Variants in FAIM2 observed in about 807,000 individuals in gnomAD.
FAIM2 encodes protein lifeguard 2.
Under a neutral mutation model 47.4 loss-of-function variants are expected in FAIM2, and 27 were observed. That is an observed-to-expected ratio of 0.57 (90% CI 0.42 to 0.78). The LOEUF (loss-of-function observed/expected upper bound fraction) is 0.78, where lower values mean the gene tolerates loss of function less well. Ranked by LOEUF, FAIM2 falls within the 30% of genes least tolerant of loss-of-function variation. The pLI is 0.00. For missense variants in FAIM2, 311 were observed against 389.4 expected, an observed-to-expected ratio of 0.80 and a Z score of 1.69; for synonymous variants, 156 against 159.3, an observed-to-expected ratio of 0.98 and a Z score of 0.16.
chr12:49,871,802 G>A (rs1224923500), intron 11 of FAIM2, among the ~76,000 whole-genome samples: 1 of 152,018 alleles, frequency 6.6e-6, no homozygotes, highest in African/African-American at 2.4e-5. Flanking sequence ...GAGGAGCTAG[G>A]ATTACAGGCA....
At chr12:49,879,910 A>ATG (rs1196603693) in intron 11 of FAIM2, among the ~76,000 whole-genome samples, 1 of 147,622 alleles carries the variant, frequency 6.8e-6, no homozygotes, top group African/African-American at 2.5e-5. Flanking sequence ...GCATGTGTAT[A>ATG]TGTGTGCATA....
At position 49,870,450 on chromosome 12, in the gene FAIM2, CAG is replaced by C. The variant is rs1946693827; in HGVS notation, c.*52_*53del. 6.5e-7 allele frequency: 1 copy of C among 1,546,974 alleles called. No homozygotes were observed. Among genetic ancestry groups the C allele is most frequent in the Admixed American group, 1.7e-5 (1 of 57,918 alleles). On this transcript the variant is annotated 3_prime_UTR_variant, in exon 12 of 12. Transcript: ENST00000320634. ...GTCTCGCAGGAGCGCAGGGGAGGGA[CAG>C]GGAACCAGGAGGGGCGCATTCTCTG...
chr12:49,896,224 G>A (rs1007650461), intron 5 of FAIM2, among the ~76,000 whole-genome samples: 8 of 152,212 alleles, frequency 5.3e-5, no homozygotes, highest in African/African-American at 1.9e-4. Context: ...GAGCGCGAGA[G>A]CAGTTCTGCT....
chr12:49,897,999 G>C lies in FAIM2; in HGVS notation c.303C>G (p.Val101=), dbSNP rs1169381935. 1 of 1,613,540 alleles carries C rather than the reference G, an allele frequency of 6.2e-7. No homozygotes were observed. The highest frequency in any genetic ancestry group is 8.5e-7 in the Non-Finnish European group (1 of 1,179,506). The stretch of plus-strand genomic sequence containing the variant: ...AGAGGGGCATTACCTTTCTGACAAA[G>C]ACTCGACGAACTTTCTGGTCATCCC... ...FSWDDQKVRR[V]FVRKVYTILL... The change falls in exon 3 of 12, where the codon GTC becomes GTG. Residue 101 remains valine (V), a synonymous_variant. Coordinates refer to ENST00000320634, the MANE Select transcript of FAIM2 (RefSeq NM_012306.4).
chr12:49,897,698 T>G, intron 3 of FAIM2, 115 bp from the exon 4 acceptor site: 3 of 753,686 alleles, frequency 4.0e-6, no homozygotes, highest in Non-Finnish European at 6.6e-6. Flanking sequence ...CCCTCCTTTT[T>G]GGGGGTCATT....
At chr12:49,871,105 C>T (rs747035419) in intron 11 of FAIM2, among the ~76,000 whole-genome samples, 60 of 152,312 alleles carry the variant, frequency 3.9e-4, no homozygotes, top group Non-Finnish European at 7.5e-4. Context: ...GGAAGGCAAA[C>T]GCTTCAGGTA....
At chr12:49,887,331 G>T in intron 11 of FAIM2, 55 bp downstream of exon 11, 1 of 1,493,806 alleles carries the variant, frequency 6.7e-7, no homozygotes, top group Non-Finnish European at 9.2e-7. Flanking sequence ...AAGGGGACTG[G>T]GGTGATGGTC....
At chr12:49,889,357 AC>A in intron 9 of FAIM2, 123 bp downstream of exon 9, 1 of 1,031,200 alleles carries the variant, frequency 9.7e-7, no homozygotes, top group Non-Finnish European at 1.5e-6. Context: ...GCTTCCCCAA[AC>A]CCAACTCACC....
In FAIM2 at chr12:49,887,407, C is replaced by T. The variant is rs138641504; in HGVS notation, c.780G>A (p.Leu260=). Residue 260 remains leucine, a synonymous_variant, in exon 11 of 12, where the codon CTG becomes CTA. Coordinates refer to ENST00000320634, the MANE Select transcript of FAIM2 (RefSeq NM_012306.4). ...TCACCAATGTAAATACACCCGCTCCCAGTGCTGCATAAACTGCATGGAGCC... is the reference window on the plus strand; with the variant it reads ...TCACCAATGTAAATACACCCGCTCCTAGTGCTGCATAAACTGCATGGAGCC... ...VPWLHAVYAA[L]GAGVFTLFLA... The T allele has an allele frequency of 2.9e-5, 46 of 1,611,440 alleles. No homozygotes were observed. The African/African-American group carries it at 5.1e-4, about 18-fold the overall frequency.
chr12:49,872,085 T>A (rs1946707038), intron 11 of FAIM2, among the ~76,000 whole-genome samples: 1 of 152,170 alleles, frequency 6.6e-6, no homozygotes, highest in South Asian at 2.1e-4. Flanking sequence ...AATAAATATG[T>A]ATGGGGCAAC....
chr12:49,880,126 G>A (rs1185492965), intron 11 of FAIM2, among the ~76,000 whole-genome samples: 1 of 151,154 alleles, frequency 6.6e-6, no homozygotes, highest in Non-Finnish European at 1.5e-5. Context: ...GTGTGTGCAT[G>A]TGAATGTGTG....
chr12:49,890,866 C>T, intron 6 of FAIM2, 144 bp from the exon 7 acceptor site: 2 of 876,016 alleles, frequency 2.3e-6, no homozygotes, highest in Non-Finnish European at 3.8e-6. Flanking sequence ...TCCCCATTTG[C>T]TCCCTTCTCC....
At chr12:49,901,357 A>C (rs1481833204) in intron 1 of FAIM2, 32 bp from the exon 2 acceptor site, 1 of 1,472,418 alleles carries the variant, frequency 6.8e-7, no homozygotes. Context: ...AGAGATAGTC[A>C]CCAGGGAAAG....
At chr12:49,884,067 C>T (rs1052554918) in intron 11 of FAIM2, among the ~76,000 whole-genome samples, 6 of 151,730 alleles carry the variant, frequency 4.0e-5, no homozygotes, top group African/African-American at 1.5e-4. Flanking sequence ...ACTAAAAATA[C>T]AAAAAAATTA....
At chr12:49,870,729 C>T (rs943227977) in intron 11 of FAIM2, 76 bp from the exon 12 acceptor site, 6 of 1,431,068 alleles carry the variant, frequency 4.2e-6, no homozygotes, top group Middle Eastern at 4.9e-4. Flanking sequence ...GCCCAGGTGT[C>T]CCCCTCAGCC....
chr12:49,901,114 G>C lies in FAIM2; in HGVS notation c.211+16C>G, dbSNP rs762833871. 1.9e-6 allele frequency: 3 copies of C among 1,553,180 alleles called. No homozygotes were observed. The highest frequency in any genetic ancestry group is 2.6e-6 in the Non-Finnish European group (3 of 1,156,810). ...CACCCCATGATGCTTCAGGTTCCAGGAGCTGAAAGACTTACTGGGGTCCAC... is the reference window on the plus strand; with the variant it reads ...CACCCCATGATGCTTCAGGTTCCAGCAGCTGAAAGACTTACTGGGGTCCAC... On this transcript the variant is annotated intron_variant, in intron 2 of 11. Coordinates refer to ENST00000320634, the MANE Select transcript of FAIM2 (RefSeq NM_012306.4).
intron 11 of FAIM2, among the ~76,000 whole-genome samples, chr12:49,871,342 G>A (rs773973101): frequency 6.6e-6 from 1 of 152,200 alleles, no homozygotes; most frequent in Non-Finnish European, 1.5e-5. Flanking sequence ...AGCACCCGGG[G>A]TTAATGCCTT....
At chr12:49,880,613 AGTGTATGTGCAT>A (rs1946814470) in intron 11 of FAIM2, among the ~76,000 whole-genome samples, 2 of 97,648 alleles carry the variant, frequency 2.0e-5, no homozygotes, top group Non-Finnish European at 4.0e-5. Context: ...TGTGCATGTG[AGTGTATGTGCAT>A]GTGTGTATAT....
At position 49,880,502 on chromosome 12, in the gene FAIM2, G is replaced by GTA. The variant is rs1477546725; in HGVS notation, c.801+6882_801+6883dup. 4.5e-3 allele frequency among the ~76,000 whole-genome samples: 506 copies of GTA among 111,590 alleles called. 1 individual carries two copies. Among genetic ancestry groups the GTA allele is most frequent in the African/African-American group, 0.015 (439 of 29,460 alleles). The allele number at this position is 111,590 out of a possible 152,430, so 73.2% of individuals were successfully genotyped here. ...CATGTGTATGCATGTGTATGTGTGT[G>GTA]TATGAGTGTGTATGTGCATGTGTAT... On this transcript the variant is annotated intron_variant, in intron 11 of 11. Transcript: ENST00000320634.
Sources: allele counts gnomAD v4.1 joint callset (sites outside exome capture counted in the v4.1 genomes callset), GRCh38; gene constraint gnomAD v4.1.1; transcripts MANE v1.5; gene names NCBI Gene and HGNC (gene_info 2026-07-23, HGNC 2026-07-21).